Variants in MAGI1 observed in about 807,000 individuals in gnomAD.
MAGI1 encodes membrane associated guanylate kinase, WW and PDZ domain containing 1, also known as membrane-associated guanylate kinase, WW and PDZ domain-containing protein 1.
A neutral mutation model predicts 139.9 loss-of-function variants in MAGI1; 58 were observed. That is an observed-to-expected ratio of 0.41 (90% CI 0.34 to 0.52). The LOEUF is 0.52. Ranked by LOEUF, MAGI1 falls within the 20% of genes least tolerant of loss-of-function variation. The pLI is 0.12. For synonymous variants in MAGI1, 812 were observed against 737.9 expected (o/e 1.10, Z -1.63); for missense variants, 1,874 against 1,901.6 (o/e 0.99, Z 0.27).
At position 65,354,520 on chromosome 3, in the gene MAGI1, C is replaced by T. The variant is rs1940117041; in HGVS notation, c.*1858G>A. The T allele has an allele frequency of 6.6e-6, 1 of 152,636 alleles. No individual in the cohort carries two copies. The highest frequency in any genetic ancestry group is 2.4e-5 in the African/African-American group (1 of 41,454). The allele number at this position is 152,636 out of a possible 1,614,324, so 9.5% of individuals were successfully genotyped here. On this transcript the variant is annotated 3_prime_UTR_variant, in exon 23 of 23. Coordinates refer to ENST00000402939, the MANE Select transcript of MAGI1 (RefSeq NM_001033057.2). ...GAAAGAGCATTAAGTCCATAGCACA[C>T]TGCAAGAAATAAATGAGTGAAGAAC...
chr3:65,959,471 T>A, intron 1 of MAGI1, among the ~76,000 whole-genome samples: 1 of 151,922 alleles, frequency 6.6e-6, no homozygotes, highest in Non-Finnish European at 1.5e-5. Flanking sequence ...TTTTCCTTTT[T>A]TGAGACAGGG....
intron 4 of MAGI1, among the ~76,000 whole-genome samples, chr3:65,474,486 T>C (rs112628765): frequency 0.012 from 1,867 of 152,280 alleles, 37 homozygotes; most frequent in African/African-American, 0.041. Context: ...GAAGTTAATA[T>C]ATGGATTGCT....
intron 1 of MAGI1, among the ~76,000 whole-genome samples, chr3:65,692,515 A>G (rs549370567): frequency 1.3e-5 from 2 of 152,290 alleles, no homozygotes; most frequent in South Asian, 2.1e-4. Flanking sequence ...CACAATTCAT[A>G]TATCCCTGAG....
At chr3:65,840,740 G>A (rs1559932220) in intron 1 of MAGI1, among the ~76,000 whole-genome samples, 1 of 152,086 alleles carries the variant, frequency 6.6e-6, no homozygotes, top group Non-Finnish European at 1.5e-5. Flanking sequence ...GTAGCTGTTT[G>A]TTTTGTTTTT....
At chr3:66,016,940 A>G (rs1294333408) in intron 1 of MAGI1, among the ~76,000 whole-genome samples, 1 of 152,160 alleles carries the variant, frequency 6.6e-6, no homozygotes, top group Admixed American at 6.5e-5. Context: ...TATCTGGAGT[A>G]GTCAAATTCA....
intron 1 of MAGI1, among the ~76,000 whole-genome samples, chr3:65,856,357 C>T (rs2059378536): frequency 6.6e-6 from 1 of 152,088 alleles, no homozygotes; most frequent in Admixed American, 6.5e-5. Flanking sequence ...TCCATTCCTG[C>T]CTCCCACAAC....
chr3:65,394,665 G>A (rs565688604), intron 13 of MAGI1, among the ~76,000 whole-genome samples: 1 of 130,066 alleles, frequency 7.7e-6, no homozygotes, highest in South Asian at 2.7e-4. Flanking sequence ...CTGTGGGTGT[G>A]AGGGGAGTTC....
intron 1 of MAGI1, among the ~76,000 whole-genome samples, chr3:65,970,522 TAAA>T (rs10576566): frequency 4.2e-5 from 6 of 141,438 alleles, no homozygotes; most frequent in African/African-American, 7.9e-5. Flanking sequence ...ACAATTTTGT[TAAA>T]AAAAAAAAAA....
chr3:65,610,918 C>A (rs2083047168), intron 2 of MAGI1, among the ~76,000 whole-genome samples: 1 of 135,068 alleles, frequency 7.4e-6, no homozygotes. Flanking sequence ...TATATAGACA[C>A]TATATAGTAG....
chr3:65,593,471 A>G (rs913005241), intron 2 of MAGI1, among the ~76,000 whole-genome samples: 1 of 152,248 alleles, frequency 6.6e-6, no homozygotes, highest in Non-Finnish European at 1.5e-5. Context: ...CAGTGAGCAG[A>G]GTAGAAATCT....
At chr3:65,468,542 A>G (rs1950332793) in intron 5 of MAGI1, among the ~76,000 whole-genome samples, 1 of 151,590 alleles carries the variant, frequency 6.6e-6, no homozygotes. Flanking sequence ...TACCTGGCTA[A>G]TTTTTGTATT....
At chr3:65,406,784 C>G (rs545793426) in intron 12 of MAGI1, among the ~76,000 whole-genome samples, 42 of 149,858 alleles carry the variant, frequency 2.8e-4, no homozygotes, top group African/African-American at 9.9e-4. Context: ...CATACACACA[C>G]AGTTATAGAT....
intron 1 of MAGI1, among the ~76,000 whole-genome samples, chr3:65,675,108 A>C (rs902142948): frequency 6.6e-6 from 1 of 152,184 alleles, no homozygotes; most frequent in African/African-American, 2.4e-5. Context: ...GATCTCCCCA[A>C]CAAAACTTCA....
chr3:65,958,811 AC>A (rs2064261456), intron 1 of MAGI1, among the ~76,000 whole-genome samples: 1 of 152,118 alleles, frequency 6.6e-6, no homozygotes, highest in Non-Finnish European at 1.5e-5. Context: ...ACATGGTGAA[AC>A]CCTGTCTATA....
At chr3:65,909,329 AG>A (rs1276204520) in intron 1 of MAGI1, among the ~76,000 whole-genome samples, 1 of 151,704 alleles carries the variant, frequency 6.6e-6, no homozygotes, top group Admixed American at 6.6e-5. Flanking sequence ...GTTCAAGATC[AG>A]CCTGCACAAC....
Position 65,357,092 on chromosome 3 carries a change from T to G in MAGI1, c.3675A>C (p.Gln1225His), listed in dbSNP as rs1268955517. Residue 1225 changes from glutamine to histidine, a missense_variant, in exon 23 of 23, where the codon CAA (glutamine) becomes CAC (histidine). Transcript: ENST00000402939. Reference sequence around the variant, plus strand: ...GCCCGGCCCTCACTTCCGGAACACCTTGTGGACCGGTGGCGGGGCCGTGGC... The same window carrying G: ...GCCCGGCCCTCACTTCCGGAACACCGTGTGGACCGGTGGCGGGGCCGTGGC... ...SDRHGPATGP[Q>H]GVPEVRAGPD... The G allele has an allele frequency of 7.4e-6, 12 of 1,613,604 alleles. No individual in the cohort carries two copies. Among genetic ancestry groups the G allele is most frequent in the South Asian group, 2.2e-5 (2 of 91,044 alleles).
chr3:65,511,323 A>G (rs1263980892), intron 2 of MAGI1, among the ~76,000 whole-genome samples: 2 of 148,978 alleles, frequency 1.3e-5, no homozygotes, highest in Non-Finnish European at 3.0e-5. Context: ...TTAAATGTAA[A>G]TGGACTAAAT....
intron 2 of MAGI1, among the ~76,000 whole-genome samples, chr3:65,607,431 C>T (rs114517587): frequency 2.5e-3 from 384 of 152,160 alleles, no homozygotes; most frequent in Middle Eastern, 6.8e-3. Flanking sequence ...TCCTCACTCC[C>T]ATCATGACCA....
chr3:65,615,159 C>T (rs1307090451), intron 2 of MAGI1, among the ~76,000 whole-genome samples: 1 of 152,084 alleles, frequency 6.6e-6, no homozygotes, highest in Non-Finnish European at 1.5e-5. Flanking sequence ...CATAATCCAC[C>T]CATCACAATG....
Sources: allele counts gnomAD v4.1 joint callset (sites outside exome capture counted in the v4.1 genomes callset), GRCh38; gene constraint gnomAD v4.1.1; transcripts MANE v1.5; gene names NCBI Gene and HGNC (gene_info 2026-07-23, HGNC 2026-07-21).